AGAP1: variants seen among roughly 807,000 people sequenced by gnomAD.
AGAP1 encodes the protein ArfGAP with GTPase domain, ankyrin repeat and PH domain 1, also known as arf-GAP with GTPase, ANK repeat and PH domain-containing protein 1.
A neutral mutation model predicts 105.3 loss-of-function variants in AGAP1; 29 were observed. That is an observed-to-expected ratio of 0.28 (90% CI 0.21 to 0.38). The LOEUF (loss-of-function observed/expected upper bound fraction) is 0.38, where lower values mean the gene tolerates loss of function less well. Among genes scored for constraint, AGAP1 ranks in the 10% least tolerant of loss-of-function variants. The pLI is 1.00. For missense variants in AGAP1, 998 were observed against 1,165.1 expected, an observed-to-expected ratio of 0.86 and a Z score of 2.09; for synonymous variants, 509 against 485.9, an observed-to-expected ratio of 1.05 and a Z score of -0.63.
At chr2:235,807,107 C>T (rs1002177542) in intron 8 of AGAP1, 132 bp from the exon 9 acceptor site, 23 of 780,170 alleles carry the variant, frequency 2.9e-5, no homozygotes, top group South Asian at 5.1e-5. Context: ...GCTCGTCGGA[C>T]GTGTCTGTGC....
intron 1 of AGAP1, among the ~76,000 whole-genome samples, chr2:235,688,359 G>C (rs1205693760): frequency 6.6e-6 from 1 of 152,142 alleles, no homozygotes; most frequent in Non-Finnish European, 1.5e-5. Flanking sequence ...GAAGGAATCT[G>C]CACTCTCCAC....
At chr2:235,914,940 A>G (rs557703216) in intron 11 of AGAP1, among the ~76,000 whole-genome samples, 1 of 152,322 alleles carries the variant, frequency 6.6e-6, no homozygotes, top group Non-Finnish European at 1.5e-5. Context: ...CTGGTGCTCA[A>G]AAAAGGGAAA....
At chr2:235,816,353 G>A (rs1441768585) in intron 9 of AGAP1, among the ~76,000 whole-genome samples, 2 of 150,004 alleles carry the variant, frequency 1.3e-5, no homozygotes, top group Admixed American at 6.7e-5. Flanking sequence ...CAGGAGAATC[G>A]CATGAACCCG....
chr2:235,642,388 A>C lies in AGAP1; in HGVS notation c.164-66791A>C, dbSNP rs1485290282. Among the ~76,000 whole-genome samples the C allele has an allele frequency of 1.3e-5, 2 of 152,242 alleles. No individual in the cohort carries two copies. Among genetic ancestry groups the C allele is most frequent in the Non-Finnish European group, 2.9e-5 (2 of 68,046 alleles). ...ATTAGAAGAGAGCTTGTGACTGAGG[A>C]AAACCTGGCTTAGGGATTTATCTGC... On this transcript the variant is annotated intron_variant, in intron 1 of 17. Transcript: ENST00000304032. The surrounding 1 kb of genome is among the most constrained non-coding windows in gnomAD (Gnocchi z 4.1).
At chr2:235,918,620 A>G (rs191146392) in intron 11 of AGAP1, among the ~76,000 whole-genome samples, 1 of 152,348 alleles carries the variant, frequency 6.6e-6, no homozygotes, top group East Asian at 1.9e-4. Flanking sequence ...TCTTTGAGGC[A>G]TACACTGTTA....
In AGAP1 at chr2:235,717,502, A is replaced by T. The variant is rs367989200; in HGVS notation, c.223-55A>T. ...CTATTTTAGCCTCTTAGTATTTGCAAAATGCCAAATAGAGTGATTTGATGA... is the reference window on the plus strand; with the variant it reads ...CTATTTTAGCCTCTTAGTATTTGCATAATGCCAAATAGAGTGATTTGATGA... On this transcript the variant is annotated intron_variant, in intron 2 of 17. Coordinates refer to ENST00000304032, the MANE Select transcript of AGAP1 (RefSeq NM_001037131.3). 2.7e-6 allele frequency: 4 copies of T among 1,492,352 alleles called. No homozygotes were observed. The African/African-American group carries it at 4.3e-5, about 16-fold the overall frequency. 92.4% of individuals were successfully genotyped at this position (1,492,352 alleles called of 1,614,324 possible).
At chr2:236,043,437 T>G (rs1434141951) in intron 15 of AGAP1, among the ~76,000 whole-genome samples, 1 of 152,206 alleles carries the variant, frequency 6.6e-6, no homozygotes, top group African/African-American at 2.4e-5. Flanking sequence ...GGAAAAAGAC[T>G]TAATTGAGCC....
intron 1 of AGAP1, among the ~76,000 whole-genome samples, chr2:235,684,424 T>G (rs991205245): frequency 5.9e-5 from 9 of 152,150 alleles, no homozygotes; most frequent in Admixed American, 5.9e-4. Flanking sequence ...ATTCTCAGTT[T>G]GGAAAAAACC....
At chr2:235,603,109 G>A (rs1156857093) in intron 1 of AGAP1, among the ~76,000 whole-genome samples, 2 of 152,102 alleles carry the variant, frequency 1.3e-5, no homozygotes, top group African/African-American at 2.4e-5. Flanking sequence ...ACCCAGTGGG[G>A]GATAATTGAA....
intron 2 of AGAP1, among the ~76,000 whole-genome samples, chr2:235,710,252 G>A (rs552820862): frequency 8.1e-4 from 123 of 152,288 alleles, no homozygotes; most frequent in Non-Finnish European, 1.2e-3. Flanking sequence ...GGATCCTTCC[G>A]GTCCTTCATG....
intron 10 of AGAP1, among the ~76,000 whole-genome samples, chr2:235,884,690 G>A (rs761519071): frequency 1.4e-4 from 21 of 152,144 alleles, no homozygotes; most frequent in Non-Finnish European, 1.6e-4. Flanking sequence ...CTGACCTCAA[G>A]AAATCCGCCT....
chr2:235,546,758 A>G (rs527468806), intron 1 of AGAP1, among the ~76,000 whole-genome samples: 2 of 152,350 alleles, frequency 1.3e-5, no homozygotes, highest in East Asian at 3.9e-4. Flanking sequence ...AGGAGCTGTC[A>G]GTCTGAGACC....
At chr2:235,512,094 T>TGTGTGTGTGA (rs1942166296) in intron 1 of AGAP1, among the ~76,000 whole-genome samples, 1 of 68,084 alleles carries the variant, frequency 1.5e-5, no homozygotes, top group African/African-American at 8.0e-5. Flanking sequence ...TGTGAATGTG[T>TGTGTGTGTGA]GTGTGTGTGA....
intron 1 of AGAP1, among the ~76,000 whole-genome samples, chr2:235,571,995 CACACACACTTTTT>C (rs1944539423): frequency 8.1e-6 from 1 of 122,914 alleles, no homozygotes; most frequent in Admixed American, 7.7e-5. Context: ...CACACACACA[CACACACACTTTTT>C]TTTTTTTTTT....
intron 13 of AGAP1, among the ~76,000 whole-genome samples, chr2:236,033,099 G>GTACAGGTATGTGC: frequency 6.6e-6 from 1 of 152,072 alleles, no homozygotes; most frequent in Admixed American, 6.6e-5. Context: ...TACAAAATTA[G>GTACAGGTATGTGC]CCGGATATGG....
At chr2:235,688,048 C>T (rs927665625) in intron 1 of AGAP1, among the ~76,000 whole-genome samples, 9 of 151,878 alleles carry the variant, frequency 5.9e-5, no homozygotes, top group African/African-American at 1.9e-4. Context: ...ATTACAGGCA[C>T]GCACCACCAT....
At chr2:235,530,759 CCTTGA>C (rs772887759) in intron 1 of AGAP1, among the ~76,000 whole-genome samples, 1 of 152,196 alleles carries the variant, frequency 6.6e-6, no homozygotes, top group African/African-American at 2.4e-5. Context: ...GTCTTAAAAT[CCTTGA>C]CTTAATCACA....
At chr2:235,748,281 GCGGGATTGCT>G (rs1953130867) in intron 5 of AGAP1, among the ~76,000 whole-genome samples, 1 of 152,230 alleles carries the variant, frequency 6.6e-6, no homozygotes, top group South Asian at 2.1e-4. Flanking sequence ...CGGAGGGGCT[GCGGGATTGCT>G]CGGCCGCAGG....
chr2:235,838,184 C>T (rs1960388605), intron 9 of AGAP1, among the ~76,000 whole-genome samples: 1 of 151,666 alleles, frequency 6.6e-6, no homozygotes, highest in Admixed American at 6.6e-5. Flanking sequence ...AGACTGTGTC[C>T]CCCCACCCCC....
Sources: gnomAD v4.1 joint callset for allele counts (sites outside exome capture counted in the v4.1 genomes callset) on GRCh38, gnomAD v4.1.1 for gene constraint, Gnocchi (gnomAD v3.1) non-coding constraint, MANE v1.5 for transcripts, NCBI Gene and HGNC (gene_info 2026-07-23, HGNC 2026-07-21) for gene names.